RTTN: variants seen among roughly 807,000 people sequenced by gnomAD.
RTTN encodes rotatin.
RTTN carries 182 observed loss-of-function variants against 269.2 expected under a neutral mutation model. The observed-to-expected ratio is 0.68, with a 90% CI of 0.60 to 0.76. The LOEUF (loss-of-function observed/expected upper bound fraction) is 0.76, where lower values mean the gene tolerates loss of function less well. RTTN is among the 30% of genes least tolerant of loss of function. RTTN has a pLI of 0.00. For missense variants in RTTN, 2,545 were observed against 2,608.6 expected (o/e 0.98, Z 0.53); for synonymous variants, 1,006 against 963.5 (o/e 1.04, Z -0.82).
intron 35 of RTTN, among the ~76,000 whole-genome samples, 194 bp downstream of exon 35, chr18:70,065,635 A>G (rs923441424): frequency 1.3e-5 from 2 of 152,238 alleles, no homozygotes; most frequent in Admixed American, 1.3e-4. Flanking sequence ...TTTATTTAAG[A>G]GCCAAATTCC....
At chr18:70,071,644 T>C (rs2058298509) in intron 34 of RTTN, among the ~76,000 whole-genome samples, 1 of 152,182 alleles carries the variant, frequency 6.6e-6, no homozygotes, top group Admixed American at 6.5e-5. Flanking sequence ...AAGCTAACAA[T>C]GACACTCTGC....
chr18:70,029,224 T>C (rs941841016), intron 42 of RTTN, among the ~76,000 whole-genome samples: 1 of 152,090 alleles, frequency 6.6e-6, no homozygotes. Flanking sequence ...AATTACATTA[T>C]TAAATAAGAC....
intron 10 of RTTN, among the ~76,000 whole-genome samples, chr18:70,177,483 T>A (rs569558983): frequency 1.1e-3 from 164 of 152,282 alleles, no homozygotes; most frequent in South Asian, 2.5e-3. Flanking sequence ...CTAAAAGGTA[T>A]ACATTAAATA....
intron 40 of RTTN, among the ~76,000 whole-genome samples, chr18:70,033,592 T>C (rs952023891): frequency 2.6e-5 from 4 of 152,162 alleles, no homozygotes; most frequent in African/African-American, 9.7e-5. Context: ...CAGGAAAATT[T>C]TGAGCGCTAA....
At chr18:70,095,900 G>T (rs2058989797) in intron 28 of RTTN, among the ~76,000 whole-genome samples, 1 of 151,874 alleles carries the variant, frequency 6.6e-6, no homozygotes, top group African/African-American at 2.4e-5. Flanking sequence ...TTCCAATTTG[G>T]TCCATTCTCC....
In RTTN at chr18:70,121,645, T is replaced by C. The variant is rs1298556390; in HGVS notation, c.3439A>G (p.Ile1147Val). 1.3e-6 allele frequency: 2 copies of C among 1,575,840 alleles called. No homozygotes were observed. Among genetic ancestry groups the C allele is most frequent in the Non-Finnish European group, 1.7e-6 (2 of 1,166,556 alleles). ...TTTATTAATTTATTTAAAAAATGTATGATATCTATTAGCAGTTTCTCATCT... is the reference window on the plus strand; with the variant it reads ...TTTATTAATTTATTTAAAAAATGTACGATATCTATTAGCAGTTTCTCATCT... Reference protein sequence around the residue: ...TEDEKLLIDIIHFLNKLIKEQ... With the variant: ...TEDEKLLIDIVHFLNKLIKEQ... Residue 1147 changes from isoleucine to valine, a missense_variant, in exon 26 of 49, where the codon ATA becomes GTA. By Grantham distance (29) the Ile-to-Val change is conservative (BLOSUM62 3). Coordinates refer to ENST00000640769, the MANE Select transcript of RTTN (RefSeq NM_173630.4).
intron 21 of RTTN, among the ~76,000 whole-genome samples, chr18:70,136,269 AAAC>A (rs1442949544): frequency 5.9e-5 from 9 of 152,134 alleles, no homozygotes; most frequent in Admixed American, 6.6e-5. Flanking sequence ...TAATTTTTTT[AAAC>A]AACACTTGAA....
At chr18:70,148,645 C>G (rs2060457672) in intron 17 of RTTN, among the ~76,000 whole-genome samples, 1 of 152,180 alleles carries the variant, frequency 6.6e-6, no homozygotes, top group Non-Finnish European at 1.5e-5. Context: ...TAGGGCACTA[C>G]TGAGCGGCAC....
At chr18:70,071,950 T>C (rs997679230) in intron 34 of RTTN, among the ~76,000 whole-genome samples, 1 of 152,190 alleles carries the variant, frequency 6.6e-6, no homozygotes, top group Non-Finnish European at 1.5e-5. Context: ...ATAAGCTGAT[T>C]AATAAGATTT....
intron 14 of RTTN, among the ~76,000 whole-genome samples, chr18:70,155,480 C>T (rs1196835913): frequency 6.6e-6 from 1 of 152,236 alleles, no homozygotes; most frequent in Non-Finnish European, 1.5e-5. Flanking sequence ...AACTAGAGGA[C>T]TTGTTCCTGG....
chr18:70,149,954 T>A lies in RTTN; in HGVS notation c.2172+17A>T, dbSNP rs754871318. 1 of 1,517,928 alleles carries A rather than the reference T, an allele frequency of 6.6e-7. No homozygotes were observed. The allele number at this position is 1,517,928 out of a possible 1,614,324, so 94.0% of individuals were successfully genotyped here. Reference sequence around the variant, plus strand: ...CAAAGATAAATGGTATCATAAAAAGTGAATTTCACAGAATACCTGTAGTAT... The same window carrying A: ...CAAAGATAAATGGTATCATAAAAAGAGAATTTCACAGAATACCTGTAGTAT... On this transcript the variant is annotated intron_variant, in intron 16 of 48. Transcript: ENST00000640769.
chr18:70,151,921 G>C (rs1431446831), intron 14 of RTTN, among the ~76,000 whole-genome samples: 1 of 151,952 alleles, frequency 6.6e-6, no homozygotes, highest in African/African-American at 2.4e-5. Flanking sequence ...ACAAGAGTTC[G>C]CTGTCCTCAG....
At chr18:70,198,551 A>G (rs2061869752) in intron 5 of RTTN, among the ~76,000 whole-genome samples, 1 of 152,172 alleles carries the variant, frequency 6.6e-6, no homozygotes, top group African/African-American at 2.4e-5. Context: ...TACCCCAAAA[A>G]AGCAGATAAC....
At chr18:70,135,120 G>T in intron 22 of RTTN, 64 bp downstream of exon 22, 1 of 913,512 alleles carries the variant, frequency 1.1e-6, no homozygotes, top group Non-Finnish European at 1.7e-6. Flanking sequence ...CTTGCTATAA[G>T]ATTACATCAG....
chr18:70,195,452 TTC>T (rs892154403), intron 7 of RTTN, among the ~76,000 whole-genome samples: 8 of 145,682 alleles, frequency 5.5e-5, no homozygotes, highest in African/African-American at 2.1e-4. Flanking sequence ...AATAGAAGCT[TTC>T]TGAGGGACTT....
chr18:70,063,156 G>A (rs2058038070), intron 35 of RTTN, among the ~76,000 whole-genome samples: 1 of 151,164 alleles, frequency 6.6e-6, no homozygotes, highest in African/African-American at 2.5e-5. Context: ...TAAATACATA[G>A]TTTTGTTATC....
chr18:70,155,742 C>A (rs924817100), intron 14 of RTTN, among the ~76,000 whole-genome samples: 22 of 152,206 alleles, frequency 1.4e-4, no homozygotes, highest in African/African-American at 5.3e-4. Flanking sequence ...GGACCCCGAA[C>A]GGAGGGACCG....
intron 10 of RTTN, among the ~76,000 whole-genome samples, chr18:70,186,397 A>G (rs969065456): frequency 1.3e-5 from 2 of 152,240 alleles, no homozygotes; most frequent in African/African-American, 2.4e-5. Flanking sequence ...AGTTTGCTTA[A>G]AGTCACAGTT....
At position 70,006,472 on chromosome 18, in the gene RTTN, G is replaced by A; in HGVS notation, c.6434C>T (p.Thr2145Ile). The A allele has an allele frequency of 6.2e-7, 1 of 1,613,374 alleles. No homozygotes were observed. The highest frequency in any genetic ancestry group is 1.1e-5 in the South Asian group (1 of 91,068). Residue 2145 changes from threonine (T) to isoleucine (I), a missense_variant, in exon 47 of 49, where the codon ACT becomes ATT. By Grantham distance (89) the Thr-to-Ile change is moderately conservative. Coordinates refer to ENST00000640769, the MANE Select transcript of RTTN (RefSeq NM_173630.4). Reference protein sequence around the residue: ...PKILANEKVITVLAACLESEN... With the variant: ...PKILANEKVIIVLAACLESEN... ...ACTTTCCAGACAGGCAGCAAGCACAGTAATGACTTTTTCTAAAAATGAACA... is the reference window on the plus strand; with the variant it reads ...ACTTTCCAGACAGGCAGCAAGCACAATAATGACTTTTTCTAAAAATGAACA...
Sources: allele counts gnomAD v4.1 joint callset (sites outside exome capture counted in the v4.1 genomes callset), GRCh38; gene constraint gnomAD v4.1.1; transcripts MANE v1.5; gene names NCBI Gene and HGNC (gene_info 2026-07-23, HGNC 2026-07-21).